The following FRMD4A variants were observed in gnomAD, a reference collection of about 807,000 sequenced individuals.
FRMD4A encodes FERM domain-containing protein 4A.
A neutral mutation model predicts 129.1 loss-of-function variants in FRMD4A; 29 were observed. That is an observed-to-expected ratio of 0.22 (90% CI 0.17 to 0.31). The LOEUF (loss-of-function observed/expected upper bound fraction) is 0.31, where lower values mean the gene tolerates loss of function less well. Among genes scored for constraint, FRMD4A ranks in the 10% least tolerant of loss-of-function variants. FRMD4A has a pLI of 1.00. For synonymous variants in FRMD4A, 634 were observed against 571.6 expected (o/e 1.11, Z -1.56); for missense variants, 1,272 against 1,375.8 (o/e 0.92, Z 1.19).
chr10:13,928,015 CCTT>C (rs755485307), intron 2 of FRMD4A, among the ~76,000 whole-genome samples: 5 of 101,838 alleles, frequency 4.9e-5, no homozygotes, highest in African/African-American at 7.0e-5. Context: ...ACTTAACATA[CCTT>C]TTTTTTTTTT....
chr10:13,900,577 T>A (rs2094807993), intron 2 of FRMD4A, among the ~76,000 whole-genome samples: 1 of 152,230 alleles, frequency 6.6e-6, no homozygotes. Flanking sequence ...TAAGGCTTTT[T>A]TGTTTATTTA....
chr10:13,804,523 T>TTTTC (rs35515807), intron 4 of FRMD4A, among the ~76,000 whole-genome samples: 56,518 of 146,696 alleles, frequency 0.39, 11,356 homozygotes, highest in Middle Eastern at 0.44. Flanking sequence ...AGTCAGGACT[T>TTTTC]TTTCTTTCTT....
chr10:13,927,418 G>A (rs982407475), intron 2 of FRMD4A, among the ~76,000 whole-genome samples: 42 of 152,194 alleles, frequency 2.8e-4, no homozygotes, highest in African/African-American at 1.0e-3. Flanking sequence ...ATCAGTGCTT[G>A]AAGATTGATT....
chr10:14,059,311 T>C (rs1053629353), intron 2 of FRMD4A, among the ~76,000 whole-genome samples: 3 of 152,350 alleles, frequency 2.0e-5, no homozygotes, highest in African/African-American at 4.8e-5. Context: ...GCTCCTTCAA[T>C]ACAATTCCTG....
At chr10:13,774,289 G>T (rs2092541924) in intron 6 of FRMD4A, among the ~76,000 whole-genome samples, 1 of 152,198 alleles carries the variant, frequency 6.6e-6, no homozygotes, top group African/African-American at 2.4e-5. Context: ...AGGGGCGTCT[G>T]CTGTGGCCAT....
At chr10:14,261,207 G>T (rs1479391110) in intron 2 of FRMD4A, among the ~76,000 whole-genome samples, 1 of 152,194 alleles carries the variant, frequency 6.6e-6, no homozygotes, top group African/African-American at 2.4e-5. Context: ...GTGGAACCAT[G>T]ATTTAGGAGG....
At chr10:13,963,568 G>T (rs981809108) in intron 2 of FRMD4A, among the ~76,000 whole-genome samples, 1 of 152,142 alleles carries the variant, frequency 6.6e-6, no homozygotes, top group Non-Finnish European at 1.5e-5. Context: ...CATTTTAGAG[G>T]AATTGTCCTT....
chr10:13,971,807 C>A (rs1485291252), intron 2 of FRMD4A: 1 of 1,304,422 alleles, frequency 7.7e-7, no homozygotes, highest in South Asian at 1.2e-5. Flanking sequence ...CATGCCAGCC[C>A]CAGACTCTGC....
At chr10:14,063,176 T>G (rs1047218042) in intron 2 of FRMD4A, among the ~76,000 whole-genome samples, 6 of 18,866 alleles carry the variant, frequency 3.2e-4, no homozygotes, top group African/African-American at 5.6e-4. Flanking sequence ...GGAATAAATC[T>G]GCTTTTTTTT....
At chr10:13,829,931 A>T in intron 3 of FRMD4A, among the ~76,000 whole-genome samples, 1 of 152,180 alleles carries the variant, frequency 6.6e-6, no homozygotes, top group East Asian at 1.9e-4. Flanking sequence ...ACTTTTCAGG[A>T]AATGATTTGC....
chr10:14,022,047 TG>T (rs1028680340), intron 2 of FRMD4A, among the ~76,000 whole-genome samples: 1 of 152,200 alleles, frequency 6.6e-6, no homozygotes, highest in Non-Finnish European at 1.5e-5. Flanking sequence ...ATGTATCTAT[TG>T]AGGTCCTTGT....
intron 4 of FRMD4A, among the ~76,000 whole-genome samples, chr10:13,806,664 A>G (rs1483109482): frequency 6.6e-6 from 1 of 152,204 alleles, no homozygotes; most frequent in Non-Finnish European, 1.5e-5. Flanking sequence ...GCAAGCTAGA[A>G]TCAGCTGAGA....
At chr10:13,849,441 G>C (rs376325363) in intron 3 of FRMD4A, among the ~76,000 whole-genome samples, 41 of 151,790 alleles carry the variant, frequency 2.7e-4, no homozygotes, top group South Asian at 6.3e-4. Flanking sequence ...ATGCACTTTG[G>C]GGGGGATTCC....
rs1308155926 is a variant in FRMD4A, at chr10:13,679,474, T to TATATAC, written c.1118-4431_1118-4430insGTATAT. The stretch of plus-strand genomic sequence containing the variant: ...AAAAAAAAAAAAATATATATATATA[T>TATATAC]ACACACACACACACACACACACACA... On this transcript the variant is annotated intron_variant, in intron 15 of 24. Transcript: ENST00000357447. 3.8e-4 allele frequency among the ~76,000 whole-genome samples: 12 copies of TATATAC among 31,490 alleles called. No individual in the cohort carries two copies. The East Asian group carries it at 0.019, about 49-fold the overall frequency. The allele number at this position is 31,490 out of a possible 152,430, so 20.7% of individuals were successfully genotyped here. A position where few individuals can be genotyped will look rare whatever the true frequency, so the allele number is the denominator to read the frequency against.
At chr10:13,688,388 C>T (rs1396593839) in intron 15 of FRMD4A, among the ~76,000 whole-genome samples, 1 of 151,478 alleles carries the variant, frequency 6.6e-6, no homozygotes, top group East Asian at 1.9e-4. Context: ...ACACTGGGGA[C>T]TGTTGTGGGG....
chr10:14,049,400 A>G (rs1037798838), intron 2 of FRMD4A, among the ~76,000 whole-genome samples: 1 of 152,210 alleles, frequency 6.6e-6, no homozygotes, highest in Non-Finnish European at 1.5e-5. Context: ...ACTGGCAAGT[A>G]TTCAAGATCT....
In FRMD4A at chr10:13,645,765, C is replaced by G. The variant is rs139252993; in HGVS notation, c.*1273G>C. 2 of 152,542 alleles carry G rather than the reference C, an allele frequency of 1.3e-5. No individual in the cohort carries two copies. Among genetic ancestry groups the G allele is most frequent in the Non-Finnish European group, 2.9e-5 (2 of 68,036 alleles). The allele number at this position is 152,542 out of a possible 1,614,324, so 9.4% of individuals were successfully genotyped here. ...GGAATAAGTGACACATAGGAGAAGT[C>G]GGATCTGAGCTCTTTTGTCACACAA... On this transcript the variant is annotated 3_prime_UTR_variant, in exon 25 of 25. Transcript: ENST00000357447.
intron 2 of FRMD4A, among the ~76,000 whole-genome samples, chr10:14,255,543 G>T (rs78658509): frequency 0.026 from 3,964 of 152,282 alleles, 92 homozygotes; most frequent in Non-Finnish European, 0.038. Context: ...GACCAATGCA[G>T]CAAGGGCAGG....
intron 2 of FRMD4A, among the ~76,000 whole-genome samples, chr10:14,224,644 A>G (rs4750493): frequency 0.068 from 10,355 of 152,236 alleles, 467 homozygotes; most frequent in East Asian, 0.17. Flanking sequence ...TAAAATTTCA[A>G]CTGTTCAGGG....
Sources: gnomAD v4.1 joint callset for allele counts (sites outside exome capture counted in the v4.1 genomes callset) on GRCh38, gnomAD v4.1.1 for gene constraint, MANE v1.5 for transcripts, NCBI Gene and HGNC (gene_info 2026-07-23, HGNC 2026-07-21) for gene names.